The following PLCB1 variants were observed in gnomAD, a reference collection of about 807,000 sequenced individuals.
PLCB1 encodes 1-phosphatidylinositol 4,5-bisphosphate phosphodiesterase beta-1.
Under a neutral mutation model 161.8 loss-of-function variants are expected in PLCB1, and 46 were observed. That is an observed-to-expected ratio of 0.28 (90% CI 0.22 to 0.36). The LOEUF is 0.36. Ranked by LOEUF, PLCB1 falls within the 10% of genes least tolerant of loss-of-function variation. The probability of loss-of-function intolerance (pLI) is 1.00; values close to 1 mark genes in which losing one functional copy is unlikely to be tolerated. For synonymous variants in PLCB1, 517 were observed against 503.7 expected (o/e 1.03, Z -0.35); for missense variants, 1,016 against 1,472.5 (o/e 0.69, Z 5.07).
At chr20:8,189,514 A>G (rs2123106271) in intron 2 of PLCB1, among the ~76,000 whole-genome samples, 1 of 152,110 alleles carries the variant, frequency 6.6e-6, no homozygotes, top group South Asian at 2.1e-4. Flanking sequence ...AAGATATTAC[A>G]CAAGGAAAAT....
At chr20:8,262,147 C>T (rs541660328) in intron 2 of PLCB1, among the ~76,000 whole-genome samples, 19 of 152,218 alleles carry the variant, frequency 1.2e-4, no homozygotes, top group African/African-American at 4.1e-4. Context: ...TCAGCTAACT[C>T]ACTGCAACCT....
intron 2 of PLCB1, among the ~76,000 whole-genome samples, chr20:8,277,708 A>T (rs906193147): frequency 1.3e-5 from 2 of 152,300 alleles, no homozygotes; most frequent in Admixed American, 6.5e-5. Flanking sequence ...AGGGAAAGCC[A>T]TAACACTCAA....
intron 2 of PLCB1, among the ~76,000 whole-genome samples, chr20:8,301,018 T>C (rs1983885272): frequency 6.6e-6 from 1 of 152,194 alleles, no homozygotes; most frequent in Non-Finnish European, 1.5e-5. Flanking sequence ...CTTCTCACCC[T>C]GGACCAGAGT....
intron 3 of PLCB1, among the ~76,000 whole-genome samples, chr20:8,609,011 G>A (rs772677382): frequency 1.3e-5 from 2 of 152,066 alleles, no homozygotes; most frequent in Non-Finnish European, 2.9e-5. Flanking sequence ...AGCATCCCTA[G>A]GGCTTTCGGA....
rs138693672 is a variant in PLCB1 at position 8,729,208 on chromosome 20, C to G, written c.1888+34C>G. 43 of 1,534,452 alleles carry G rather than the reference C, an allele frequency of 2.8e-5. No homozygotes were observed. The African/African-American group carries it at 4.8e-4, about 17-fold the overall frequency. On this transcript the variant is annotated intron_variant, in intron 18 of 31. Coordinates refer to ENST00000338037, the MANE Select transcript of PLCB1 (RefSeq NM_015192.4). ...ATGCTTGTTCCCATTCTGCTATGAACTCACATTGCCAAGTGTCCAAAAACC... is the reference window on the plus strand; with the variant it reads ...ATGCTTGTTCCCATTCTGCTATGAAGTCACATTGCCAAGTGTCCAAAAACC...
chr20:8,402,424 A>C (rs114727463), intron 3 of PLCB1, among the ~76,000 whole-genome samples: 2,052 of 152,230 alleles, frequency 0.013, 48 homozygotes, highest in African/African-American at 0.046. Flanking sequence ...GTGTTACATC[A>C]CTTTGATGTT....
intron 2 of PLCB1, among the ~76,000 whole-genome samples, chr20:8,292,501 A>T (rs906055769): frequency 6.6e-6 from 1 of 152,172 alleles, no homozygotes; most frequent in African/African-American, 2.4e-5. Flanking sequence ...GTTCATGTTT[A>T]AAATGGGTGC....
intron 3 of PLCB1, among the ~76,000 whole-genome samples, chr20:8,419,792 G>A (rs1979462651): frequency 1.3e-5 from 2 of 152,146 alleles, no homozygotes; most frequent in Admixed American, 6.5e-5. Flanking sequence ...GCAGGAAATG[G>A]AACCAGCTGT....
chr20:8,866,339 T>C (rs6086670), intron 31 of PLCB1, among the ~76,000 whole-genome samples: 45,593 of 152,086 alleles, frequency 0.3, 7,764 homozygotes, highest in East Asian at 0.65. Flanking sequence ...ACCAGCGCAA[T>C]GTGGTTAAGT....
At chr20:8,815,007 C>A (rs990984647) in intron 31 of PLCB1, among the ~76,000 whole-genome samples, 1 of 152,158 alleles carries the variant, frequency 6.6e-6, no homozygotes, top group Non-Finnish European at 1.5e-5. Flanking sequence ...TCCACACTAA[C>A]CATACAGGTG....
chr20:8,802,298 T>C (rs1411631461), intron 31 of PLCB1: 2 of 585,786 alleles, frequency 3.4e-6, no homozygotes, highest in Non-Finnish European at 6.0e-6. Context: ...ATCTTTTTTT[T>C]CTGCTAAAGT....
chr20:8,401,835 A>C (rs1055113995), intron 3 of PLCB1, among the ~76,000 whole-genome samples: 1 of 152,204 alleles, frequency 6.6e-6, no homozygotes, highest in Non-Finnish European at 1.5e-5. Context: ...GCCCAATTCA[A>C]GGAGGCTGGG....
intron 11 of PLCB1, among the ~76,000 whole-genome samples, chr20:8,705,106 C>T (rs1978596493): frequency 6.7e-6 from 1 of 149,822 alleles, no homozygotes. Flanking sequence ...AAACCCCTCA[C>T]AGAGACACCC....
intron 1 of PLCB1, among the ~76,000 whole-genome samples, chr20:8,135,967 G>C (rs1021529739): frequency 1.3e-5 from 2 of 152,124 alleles, no homozygotes; most frequent in Admixed American, 6.5e-5. Flanking sequence ...TCTTGGCCTT[G>C]GTCTATATTG....
intron 31 of PLCB1, among the ~76,000 whole-genome samples, chr20:8,827,201 TC>T: frequency 6.6e-6 from 1 of 152,214 alleles, no homozygotes; most frequent in Admixed American, 6.5e-5. Flanking sequence ...TAGGCATTTT[TC>T]CCCATGATTA....
chr20:8,438,765 C>T (rs1980420064), intron 3 of PLCB1, among the ~76,000 whole-genome samples: 1 of 152,170 alleles, frequency 6.6e-6, no homozygotes, highest in African/African-American at 2.4e-5. Context: ...CATTTCCTGA[C>T]CCAAGGGGCC....
intron 27 of PLCB1, among the ~76,000 whole-genome samples, chr20:8,779,143 G>A (rs1482551050): frequency 6.6e-6 from 1 of 152,110 alleles, no homozygotes; most frequent in Non-Finnish European, 1.5e-5. Context: ...ACGTGCTTTG[G>A]TTAAGGATTA....
chr20:8,445,864 A>G (rs1814586808), intron 3 of PLCB1, among the ~76,000 whole-genome samples: 1 of 152,116 alleles, frequency 6.6e-6, no homozygotes, highest in African/African-American at 2.4e-5. Context: ...TTATTGGTGT[A>G]TAAGAATGCT....
chr20:8,558,770 G>A (rs536880423), intron 3 of PLCB1, among the ~76,000 whole-genome samples: 24 of 151,976 alleles, frequency 1.6e-4, no homozygotes, highest in Admixed American at 4.6e-4. Context: ...AGGCAAGATA[G>A]CAATTGGTAT....
Sources: allele counts gnomAD v4.1 joint callset (sites outside exome capture counted in the v4.1 genomes callset), GRCh38; gene constraint gnomAD v4.1.1; transcripts MANE v1.5; gene names NCBI Gene and HGNC (gene_info 2026-07-23, HGNC 2026-07-21).